Variants in CRB1 observed in about 807,000 individuals in gnomAD.
CRB1 encodes protein crumbs homolog 1.
CRB1 carries 83 observed loss-of-function variants against 120.0 expected under a neutral mutation model. That is an observed-to-expected ratio of 0.69 (90% CI 0.58 to 0.83). The LOEUF is 0.83. Ranked by LOEUF, CRB1 falls within the 40% of genes least tolerant of loss-of-function variation. The pLI, the probability that CRB1 is intolerant of heterozygous loss-of-function variation, is 0.00. For missense variants in CRB1, 1,699 were observed against 1,687.6 expected (o/e 1.01, Z -0.12); for synonymous variants, 625 against 612.5 (o/e 1.02, Z -0.30).
At chr1:197,336,540 C>T (rs1199836461) in intron 2 of CRB1, among the ~76,000 whole-genome samples, 3 of 152,124 alleles carry the variant, frequency 2.0e-5, no homozygotes, top group African/African-American at 7.2e-5. Context: ...AACACTTGTT[C>T]AGGCTTTTGC....
At chr1:197,408,209 A>T (rs1663519105) in intron 5 of CRB1, among the ~76,000 whole-genome samples, 1 of 152,180 alleles carries the variant, frequency 6.6e-6, no homozygotes, top group Admixed American at 6.5e-5. Flanking sequence ...GAGAGTTACC[A>T]ATAGAAGGCA....
the CRB1 span, among the ~76,000 whole-genome samples, chr1:197,236,192 T>C: frequency 8.7e-6 from 1 of 115,254 alleles, no homozygotes; most frequent in Admixed American, 1.1e-4. Flanking sequence ...TGGCTTTTAT[T>C]TCCTTTTTTT....
At chr1:197,370,971 A>G (rs1003776912) in intron 5 of CRB1, among the ~76,000 whole-genome samples, 3 of 152,184 alleles carry the variant, frequency 2.0e-5, no homozygotes, top group African/African-American at 7.2e-5. Flanking sequence ...GTCATAACTT[A>G]GGCCTTATTA....
At chr1:197,475,370 C>A (rs1667155537) in intron 11 of CRB1, among the ~76,000 whole-genome samples, 1 of 152,126 alleles carries the variant, frequency 6.6e-6, no homozygotes. Context: ...CAACAGCCAT[C>A]TTCATCCTTC....
At chr1:197,313,263 G>A (rs1360107887) in intron 1 of CRB1, among the ~76,000 whole-genome samples, 5 of 152,174 alleles carry the variant, frequency 3.3e-5, no homozygotes, top group African/African-American at 7.2e-5. Flanking sequence ...CTGCCACCAG[G>A]TCCTTCCCCC....
At chr1:197,329,137 A>G (rs758281697) in intron 2 of CRB1, 134 bp downstream of exon 2, 1 of 801,050 alleles carries the variant, frequency 1.2e-6, no homozygotes. Context: ...CAATCACTAG[A>G]TAGAAACTCC....
intron 5 of CRB1, among the ~76,000 whole-genome samples, chr1:197,362,535 C>T (rs529144948): frequency 7.9e-5 from 12 of 152,070 alleles, no homozygotes; most frequent in South Asian, 2.1e-4. Flanking sequence ...TTTTTCTTCA[C>T]GTATTTTGAG....
chr1:197,372,459 T>C (rs1235541604), intron 5 of CRB1, among the ~76,000 whole-genome samples: 1 of 152,210 alleles, frequency 6.6e-6, no homozygotes, highest in African/African-American at 2.4e-5. Flanking sequence ...TAGTTCAGAA[T>C]TTCTGGTTAA....
rs1658596755 is a variant in CRB1 at position 197,327,677 on chromosome 1, AT to A, written c.71-743del. 3.9e-5 allele frequency among the ~76,000 whole-genome samples: 6 copies of A among 152,226 alleles called. No individual in the cohort carries two copies. In the South Asian group the frequency reaches 1.2e-3, roughly 32 times the overall value. On this transcript the variant is annotated intron_variant, in intron 1 of 11. Coordinates refer to ENST00000367400, the MANE Select transcript of CRB1 (RefSeq NM_201253.3). ...AATACTTAATGCAAATATAGAAATA[AT>A]TGCTTATAGTAACTATATAAAATCT...
Position 197,422,541 on chromosome 1 carries a change from TAAGAAAAAAAAAA to T in CRB1, c.2128+598_2128+610del, listed in dbSNP as rs1664389461. 8.1e-5 allele frequency among the ~76,000 whole-genome samples: 11 copies of T among 135,628 alleles called. No individual in the cohort carries two copies. The South Asian group carries it at 2.5e-3, about 31-fold the overall frequency. The allele number at this position is 135,628 out of a possible 152,430, so 89.0% of individuals were successfully genotyped here. The stretch of plus-strand genomic sequence containing the variant: ...AAGACAGATAATATACTAGGTGTCT[TAAGAAAAAAAAAA>T]AAGAAAAAAAAATGTGGAAAGTAAC... On this transcript the variant is annotated intron_variant, in intron 6 of 11. Transcript: ENST00000367400.
In CRB1 at chr1:197,427,369, T is replaced by C. The variant is rs545997840; in HGVS notation, c.2129-85T>C. 3 of 1,107,880 alleles carry C rather than the reference T, an allele frequency of 2.7e-6. No homozygotes were observed. The African/African-American group carries it at 4.6e-5, about 17-fold the overall frequency. 68.6% of individuals were successfully genotyped at this position (1,107,880 alleles called of 1,614,324 possible). A position where few individuals can be genotyped will look rare whatever the true frequency, so the allele number is the denominator to read the frequency against. On this transcript the variant is annotated intron_variant, in intron 6 of 11. Transcript: ENST00000367400. ...TGTGCATGTGTGTGTGTGAAATGTA[T>C]AATTTTCGTCTTCCATCCCTTCTGT...
At chr1:197,229,257 T>G in the CRB1 span, among the ~76,000 whole-genome samples, 1 of 152,198 alleles carries the variant, frequency 6.6e-6, no homozygotes, top group East Asian at 1.9e-4. Context: ...GTACTCTTCT[T>G]GAGTTCAAAT....
intron 3 of CRB1, among the ~76,000 whole-genome samples, chr1:197,346,585 CT>C (rs1256886494): frequency 1.3e-5 from 2 of 152,214 alleles, no homozygotes; most frequent in African/African-American, 4.8e-5. Context: ...CATAGATATT[CT>C]TTTCCCAAGA....
Position 197,473,456 on chromosome 1 carries a change from A to G in CRB1, c.4006-4208A>G, listed in dbSNP as rs374827067. ...GCCAGAACCCAGTTAATGTTTCAGA[A>G]TAAATTCTCTTTGAGGAGAACAAAT... On this transcript the variant is annotated intron_variant, in intron 11 of 11. Coordinates refer to ENST00000367400, the MANE Select transcript of CRB1 (RefSeq NM_201253.3). 2.0e-5 allele frequency among the ~76,000 whole-genome samples: 3 copies of G among 152,326 alleles called. No homozygotes were observed. The East Asian group carries it at 5.8e-4, about 29-fold the overall frequency.
chr1:197,396,829 C>T (rs1302035415), intron 5 of CRB1, among the ~76,000 whole-genome samples: 1 of 152,100 alleles, frequency 6.6e-6, no homozygotes, highest in Non-Finnish European at 1.5e-5. Flanking sequence ...CATTAAAACT[C>T]AGATTTAATA....
At chr1:197,233,350 G>T in the CRB1 span, among the ~76,000 whole-genome samples, 9 of 152,092 alleles carry the variant, frequency 5.9e-5, no homozygotes, top group Non-Finnish European at 1.2e-4. Flanking sequence ...ACCTTTTCTA[G>T]AGCCAATTAA....
chr1:197,251,250 A>C, the CRB1 span, among the ~76,000 whole-genome samples: 2 of 152,048 alleles, frequency 1.3e-5, no homozygotes, highest in African/African-American at 4.8e-5. Context: ...CAAATAAATT[A>C]ATATATAAAA....
intron 5 of CRB1, among the ~76,000 whole-genome samples, chr1:197,364,233 A>G (rs1254297563): frequency 6.6e-6 from 1 of 152,130 alleles, no homozygotes; most frequent in African/African-American, 2.4e-5. Context: ...AATAAACTCA[A>G]TATGTTTGCA....
the CRB1 span, among the ~76,000 whole-genome samples, chr1:197,208,059 T>G: frequency 1.3e-5 from 2 of 152,262 alleles, no homozygotes; most frequent in South Asian, 4.1e-4. Context: ...GTCCTTCATT[T>G]CCAGAAGTTG....
Sources: allele counts gnomAD v4.1 joint callset (sites outside exome capture counted in the v4.1 genomes callset), GRCh38; gene constraint gnomAD v4.1.1; transcripts MANE v1.5; gene names NCBI Gene and HGNC (gene_info 2026-07-23, HGNC 2026-07-21).